Variants in SNX18 observed in about 807,000 individuals in gnomAD.
The protein encoded by SNX18 is sorting nexin-18.
SNX18 carries 35 observed loss-of-function variants against 48.7 expected under a neutral mutation model. The ratio of observed to expected loss-of-function variants is 0.72; its 90% CI spans 0.55 to 0.95. The LOEUF is 0.95. Ranked by LOEUF, SNX18 falls within the 40% of genes least tolerant of loss-of-function variation. The pLI is 0.00. For synonymous variants in SNX18, 492 were observed against 384.7 expected, an observed-to-expected ratio of 1.28 and a Z score of -3.26; for missense variants, 824 against 871.0, an observed-to-expected ratio of 0.95 and a Z score of 0.68.
the SNX18 span, among the ~76,000 whole-genome samples, chr5:54,637,163 G>A: frequency 2.6e-5 from 4 of 152,052 alleles, no homozygotes; most frequent in Non-Finnish European, 4.4e-5. Flanking sequence ...AATACAAGCA[G>A]AACATGTAAA....
At chr5:54,529,535 T>G (rs773930093) in intron 1 of SNX18, among the ~76,000 whole-genome samples, 1 of 152,210 alleles carries the variant, frequency 6.6e-6, no homozygotes, top group Non-Finnish European at 1.5e-5. Flanking sequence ...ACCCTTGACT[T>G]GGATGACAAG....
chr5:54,579,095 T>G, the SNX18 span, among the ~76,000 whole-genome samples: 3 of 152,122 alleles, frequency 2.0e-5, no homozygotes, highest in Non-Finnish European at 2.9e-5. Flanking sequence ...ATCCCAACAC[T>G]TTGGGAGGCT....
the SNX18 span, among the ~76,000 whole-genome samples, chr5:54,642,382 GT>G: frequency 1.6e-3 from 231 of 145,876 alleles, no homozygotes; most frequent in African/African-American, 3.8e-3. Context: ...GTTATGTTGG[GT>G]TTTTTTTTTT....
chr5:54,536,839 C>T (rs1474940359), intron 1 of SNX18, among the ~76,000 whole-genome samples: 1 of 152,196 alleles, frequency 6.6e-6, no homozygotes. Flanking sequence ...AGTTTACAGT[C>T]CTACCAACAG....
In SNX18 at chr5:54,518,272, T is replaced by TGCTGCAGCCACAGCAGGCGCC; in HGVS notation, c.323_343dup (p.Leu108_Pro114dup). ...CCGCCGCCTGACGCCTTCCAGGCGC[T>TGCTGCAGCCACAGCAGGCGCC]GCTGCAGCCACAGCAGGCGCCGCCT... On this transcript the variant is annotated inframe_insertion, in exon 1 of 2. Coordinates refer to ENST00000381410, the MANE Select transcript of SNX18 (RefSeq NM_001102575.2). 7.4e-6 allele frequency: 11 copies of TGCTGCAGCCACAGCAGGCGCC among 1,488,008 alleles called. No individual in the cohort carries two copies. Among genetic ancestry groups the TGCTGCAGCCACAGCAGGCGCC allele is most frequent in the Non-Finnish European group, 9.8e-6 (11 of 1,124,412 alleles). The allele number at this position is 1,488,008 out of a possible 1,614,324, so 92.2% of individuals were successfully genotyped here.
At chr5:54,565,174 A>T in the SNX18 span, among the ~76,000 whole-genome samples, 1 of 152,208 alleles carries the variant, frequency 6.6e-6, no homozygotes, top group Non-Finnish European at 1.5e-5. Context: ...CATGCAACAT[A>T]ATTTCCCCTA....
the SNX18 span, among the ~76,000 whole-genome samples, chr5:54,627,161 A>G: frequency 2.0e-5 from 3 of 152,220 alleles, no homozygotes; most frequent in African/African-American, 7.2e-5. Flanking sequence ...CATGCTCACA[A>G]ATAAAAATTA....
chr5:54,593,539 G>T, the SNX18 span, among the ~76,000 whole-genome samples: 4 of 152,168 alleles, frequency 2.6e-5, no homozygotes, highest in Admixed American at 2.0e-4. Flanking sequence ...AGAAATTGAT[G>T]ATCATGTTCT....
At chr5:54,555,948 GATTT>G in the SNX18 span, among the ~76,000 whole-genome samples, 1 of 152,138 alleles carries the variant, frequency 6.6e-6, no homozygotes, top group African/African-American at 2.4e-5. Flanking sequence ...TAAGCAGGGT[GATTT>G]ATTAACTGAG....
At chr5:54,551,500 A>G (rs953492427), downstream of SNX18, among the ~76,000 whole-genome samples, 1 of 152,206 alleles carries the variant, frequency 6.6e-6, no homozygotes, top group East Asian at 1.9e-4. Context: ...TCCTGGGCTA[A>G]CATCATTTCT....
chr5:54,567,548 A>G, the SNX18 span, among the ~76,000 whole-genome samples: 1 of 152,172 alleles, frequency 6.6e-6, no homozygotes, highest in African/African-American at 2.4e-5. Context: ...TGTCCTTACA[A>G]AAACATCAGG....
chr5:54,561,755 G>C, the SNX18 span, among the ~76,000 whole-genome samples: 1 of 152,150 alleles, frequency 6.6e-6, no homozygotes, highest in Non-Finnish European at 1.5e-5. Flanking sequence ...CAGACTAACA[G>C]TGATGTTTGT....
chr5:54,571,403 G>T, the SNX18 span, among the ~76,000 whole-genome samples: 2 of 152,142 alleles, frequency 1.3e-5, no homozygotes, highest in Non-Finnish European at 2.9e-5. Context: ...ATTCTAAGAC[G>T]CTTGGCAGTG....
chr5:54,567,071 C>T, the SNX18 span, among the ~76,000 whole-genome samples: 1 of 152,106 alleles, frequency 6.6e-6, no homozygotes, highest in Non-Finnish European at 1.5e-5. Flanking sequence ...ATGTACCCTT[C>T]CCCACCCCCA....
At chr5:54,560,276 C>G in the SNX18 span, among the ~76,000 whole-genome samples, 7 of 152,212 alleles carry the variant, frequency 4.6e-5, no homozygotes, top group African/African-American at 1.7e-4. Context: ...TACATACACA[C>G]CGTAGAATAC....
At chr5:54,602,175 A>G in the SNX18 span, among the ~76,000 whole-genome samples, 4 of 152,144 alleles carry the variant, frequency 2.6e-5, no homozygotes, top group Non-Finnish European at 4.4e-5. Flanking sequence ...TTAAGTACAG[A>G]GAGATGTGGA....
chr5:54,644,657 G>A, the SNX18 span: 1 of 152,232 alleles, frequency 6.6e-6, no homozygotes, highest in Non-Finnish European at 1.5e-5. Context: ...AACTCCTTTA[G>A]AAGGGGCTGA....
chr5:54,585,945 C>A, the SNX18 span, among the ~76,000 whole-genome samples: 1 of 150,178 alleles, frequency 6.7e-6, no homozygotes, highest in Non-Finnish European at 1.5e-5. Context: ...GCGGAGCTTG[C>A]AGTGAGCTGA....
downstream of SNX18, among the ~76,000 whole-genome samples, chr5:54,550,290 G>A (rs540563882): frequency 1.6e-4 from 24 of 152,262 alleles, no homozygotes; most frequent in African/African-American, 5.3e-4. Context: ...GAGAAAAGGA[G>A]CTTTCTTCAC....
Sources: gnomAD v4.1 joint callset for allele counts (sites outside exome capture counted in the v4.1 genomes callset) on GRCh38, gnomAD v4.1.1 for gene constraint, MANE v1.5 for transcripts, NCBI Gene and HGNC (gene_info 2026-07-23, HGNC 2026-07-21) for gene names.